The following ARMC1 variants were observed in gnomAD, a reference collection of about 807,000 sequenced individuals.
The protein encoded by ARMC1 is armadillo repeat containing 1, also known as armadillo repeat-containing protein 1.
Under a neutral mutation model 31.4 loss-of-function variants are expected in ARMC1, and 16 were observed. The observed-to-expected ratio is 0.51, with a 90% CI of 0.34 to 0.77. The LOEUF (loss-of-function observed/expected upper bound fraction) is 0.77, where lower values mean the gene tolerates loss of function less well. Ranked by LOEUF, ARMC1 falls within the 30% of genes least tolerant of loss-of-function variation. The pLI, the probability that ARMC1 is intolerant of heterozygous loss-of-function variation, is 0.01. For missense variants in ARMC1, 259 were observed against 347.5 expected, an observed-to-expected ratio of 0.75 and a Z score of 2.02; for synonymous variants, 114 against 118.9, an observed-to-expected ratio of 0.96 and a Z score of 0.27.
intron 1 of ARMC1, among the ~76,000 whole-genome samples, chr8:65,628,013 A>T (rs917135451): frequency 6.6e-6 from 1 of 152,226 alleles, no homozygotes; most frequent in African/African-American, 2.4e-5. Context: ...CTGAATCTAA[A>T]TACCTCTGTC....
At chr8:65,605,000 G>A (rs555482972) in intron 6 of ARMC1, among the ~76,000 whole-genome samples, 2 of 152,284 alleles carry the variant, frequency 1.3e-5, no homozygotes, top group East Asian at 3.9e-4. Flanking sequence ...TGGATTGTCA[G>A]GATTAGTTAA....
At chr8:65,623,387 T>C (rs911449068) in intron 2 of ARMC1, among the ~76,000 whole-genome samples, 1 of 147,694 alleles carries the variant, frequency 6.8e-6, no homozygotes, top group Non-Finnish European at 1.5e-5. Context: ...GGCAGGCCGA[T>C]CACTTAAGGT....
chr8:65,605,501 A>G lies in ARMC1; in HGVS notation c.503T>C (p.Ile168Thr), dbSNP rs1238060565. 6.2e-7 allele frequency: 1 copy of G among 1,613,932 alleles called. No individual in the cohort carries two copies. Residue 168 changes from isoleucine (I) to threonine (T), a missense_variant, in exon 5 of 7, where the codon ATT (isoleucine) becomes ACT (threonine). Physicochemically the swap from Ile to Thr is moderately conservative, Grantham distance 89. Transcript: ENST00000276569. ...RNLCEEALLK[I>T]KGVISFTFQM... ...AAAAGTAAAGCTAATAACACCTTTA[A>G]TTTTTAACAAAGCCTCTTCACATAG...
At chr8:65,628,011 A>T (rs1371348405) in intron 1 of ARMC1, among the ~76,000 whole-genome samples, 1 of 152,222 alleles carries the variant, frequency 6.6e-6, no homozygotes, top group African/African-American at 2.4e-5. Context: ...CACTGAATCT[A>T]AATACCTCTG....
chr8:65,633,471 T>A (rs1275213776), intron 1 of ARMC1, among the ~76,000 whole-genome samples: 1 of 152,194 alleles, frequency 6.6e-6, no homozygotes, highest in Non-Finnish European at 1.5e-5. Flanking sequence ...TACTTGCTCA[T>A]GTGGGGACAT....
chr8:65,608,056 T>C (rs1312337735), intron 4 of ARMC1, among the ~76,000 whole-genome samples: 1 of 152,176 alleles, frequency 6.6e-6, no homozygotes, highest in African/African-American at 2.4e-5. Context: ...TTAAAATATT[T>C]TTAAGAAATT....
intron 1 of ARMC1, among the ~76,000 whole-genome samples, chr8:65,628,023 C>G (rs1259373737): frequency 1.3e-5 from 2 of 152,138 alleles, no homozygotes; most frequent in African/African-American, 4.8e-5. Flanking sequence ...ATACCTCTGT[C>G]CATCTGATTA....
rs533884203 is a variant in ARMC1, at chr8:65,609,686, C to T, written c.465+3558G>A. ...CAGCCTGGCCAATATGGTGAAACCC[C>T]GTCTCTACTAAAAACACAAAAATTA... On this transcript the variant is annotated intron_variant, in intron 4 of 6. Transcript: ENST00000276569. Among the ~76,000 whole-genome samples, 133 of 151,630 alleles carry T rather than the reference C, an allele frequency of 8.8e-4. 2 individuals are homozygous for T. In the East Asian group the frequency reaches 0.022, roughly 25 times the overall value.
Position 65,634,039 on chromosome 8 carries a change from G to C in ARMC1, c.-77C>G, listed in dbSNP as rs916782774. 5 of 152,380 alleles carry C rather than the reference G, an allele frequency of 3.3e-5. No homozygotes were observed. Among genetic ancestry groups the C allele is most frequent in the Non-Finnish European group, 7.3e-5 (5 of 68,156 alleles). The allele number at this position is 152,380 out of a possible 1,614,324, so 9.4% of individuals were successfully genotyped here. ...GAGTCCAGAGCCTGCCACACCATCA[G>C]GGCCACACCTACGGATGAGGTAGAG... On this transcript the variant is annotated 5_prime_UTR_variant, in exon 1 of 7. Coordinates refer to ENST00000276569, the MANE Select transcript of ARMC1 (RefSeq NM_018120.6).
Position 65,613,404 on chromosome 8 carries a change from A to G in ARMC1, c.305T>C (p.Leu102Pro). Residue 102 changes from leucine to proline, a missense_variant, in exon 4 of 7, where the codon CTG becomes CCG. Physicochemically the swap from Leu to Pro is moderately conservative, Grantham distance 98 (BLOSUM62 -3). This residue lies in a region of ARMC1 where 163 missense variants were observed against 186.7 expected (regional missense o/e 0.87). Transcript: ENST00000276569. ...AAGAATGTCATAGATTTCAGAGGCCAGAAGTTTTGTTTCTCCTGGAGTTGT... is the reference window on the plus strand; with the variant it reads ...AAGAATGTCATAGATTTCAGAGGCCGGAAGTTTTGTTTCTCCTGGAGTTGT... ...KTTTPGETKL[L>P]ASEIYDILQS... is the part of the protein sequence containing the mutation. 1 of 1,600,258 alleles carries G rather than the reference A, an allele frequency of 6.2e-7. No homozygotes were observed. Among genetic ancestry groups the G allele is most frequent in the East Asian group, 2.3e-5 (1 of 44,188 alleles).
At chr8:65,614,459 C>G (rs911600467) in intron 3 of ARMC1, among the ~76,000 whole-genome samples, 2 of 152,196 alleles carry the variant, frequency 1.3e-5, no homozygotes, top group Non-Finnish European at 2.9e-5. Flanking sequence ...AATTGCCAAA[C>G]AGAGTGAGTG....
At chr8:65,604,723 A>T in intron 6 of ARMC1, 138 bp from the exon 7 acceptor site, 1 of 677,166 alleles carries the variant, frequency 1.5e-6, no homozygotes, top group South Asian at 1.9e-5. Context: ...TACAGAAAGG[A>T]GTAAGCAGAG....
rs3268 is a variant in ARMC1, at chr8:65,602,730, T to G, written c.*1664A>C. The G allele has an allele frequency of 1.3e-5, 2 of 151,698 alleles. No individual in the cohort carries two copies. Among genetic ancestry groups the G allele is most frequent in the Non-Finnish European group, 2.9e-5 (2 of 67,882 alleles). The allele number at this position is 151,698 out of a possible 1,614,324, so 9.4% of individuals were successfully genotyped here. A position where few individuals can be genotyped will look rare whatever the true frequency, so the allele number is the denominator to read the frequency against. ...TGCTTTAATGGCTATAGAAAGAAGG[T>G]GGTTTTATTTTCTTTTTTAAACACA... is the stretch of plus-strand genomic sequence containing the variant. On this transcript the variant is annotated 3_prime_UTR_variant, in exon 7 of 7. Transcript: ENST00000276569.
At chr8:65,630,346 G>T (rs796754376) in intron 1 of ARMC1, among the ~76,000 whole-genome samples, 1 of 151,970 alleles carries the variant, frequency 6.6e-6, no homozygotes, top group Non-Finnish European at 1.5e-5. Flanking sequence ...ATAAATCAGG[G>T]AAAAAAGAAC....
chr8:65,614,175 G>C (rs772137161), intron 3 of ARMC1, among the ~76,000 whole-genome samples: 7 of 152,054 alleles, frequency 4.6e-5, no homozygotes, highest in Non-Finnish European at 8.8e-5. Context: ...AGATTTCTTT[G>C]TATGTTAAAA....
At chr8:65,616,727 G>A (rs1267995732) in intron 3 of ARMC1, among the ~76,000 whole-genome samples, 22 of 150,926 alleles carry the variant, frequency 1.5e-4, no homozygotes, top group Non-Finnish European at 3.0e-4. Context: ...GAGATGTGGG[G>A]AGCGCCTCTG....
At chr8:65,627,575 A>G (rs1486174911) in intron 1 of ARMC1, 142 bp from the exon 2 acceptor site, 7 of 456,290 alleles carry the variant, frequency 1.5e-5, no homozygotes, top group African/African-American at 6.0e-5. Context: ...CGGCAACTCT[A>G]CAGTTTGAGA....
At chr8:65,627,570 A>G in intron 1 of ARMC1, 137 bp from the exon 2 acceptor site, 1 of 468,036 alleles carries the variant, frequency 2.1e-6, no homozygotes, top group East Asian at 3.5e-5. Context: ...GAAATCGGCA[A>G]CTCTACAGTT....
intron 3 of ARMC1, among the ~76,000 whole-genome samples, chr8:65,613,678 A>G (rs1242856209): frequency 1.3e-5 from 2 of 152,228 alleles, no homozygotes; most frequent in African/African-American, 4.8e-5. Flanking sequence ...GTATAAAAAC[A>G]CATTTGGCCA....
Sources: allele counts gnomAD v4.1 joint callset (sites outside exome capture counted in the v4.1 genomes callset), GRCh38; gene constraint gnomAD v4.1.1; regional missense constraint gnomAD v4.1.1; transcripts MANE v1.5; gene names NCBI Gene and HGNC (gene_info 2026-07-23, HGNC 2026-07-21).